The following ARHGAP12 variants were observed in gnomAD, a reference collection of about 807,000 sequenced individuals.
The protein encoded by ARHGAP12 is Rho GTPase activating protein 12, also known as rho GTPase-activating protein 12.
In ARHGAP12, 64 loss-of-function variants were observed where a neutral mutation model predicts 108.6. The observed-to-expected ratio is 0.59, with a 90% CI of 0.48 to 0.73. The LOEUF (loss-of-function observed/expected upper bound fraction) is 0.73. Ranked by LOEUF, ARHGAP12 falls within the 30% of genes least tolerant of loss-of-function variation. The pLI, the probability that ARHGAP12 is intolerant of heterozygous loss-of-function variation, is 0.00. For synonymous variants in ARHGAP12, 312 were observed against 337.2 expected, an observed-to-expected ratio of 0.93 and a Z score of 0.82; for missense variants, 940 against 1,005.9, an observed-to-expected ratio of 0.93 and a Z score of 0.89.
At chr10:31,844,261 G>A (rs1418328418) in intron 6 of ARHGAP12, among the ~76,000 whole-genome samples, 1 of 152,092 alleles carries the variant, frequency 6.6e-6, no homozygotes, top group African/African-American at 2.4e-5. Context: ...GTAGGCTTCT[G>A]AGTCTTGTTC....
intron 4 of ARHGAP12, among the ~76,000 whole-genome samples, chr10:31,860,965 G>A (rs906737466): frequency 2.0e-5 from 3 of 152,152 alleles, no homozygotes; most frequent in Non-Finnish European, 2.9e-5. Context: ...TAAGGTGGGA[G>A]GATCGCTTAA....
intron 14 of ARHGAP12, among the ~76,000 whole-genome samples, chr10:31,813,363 A>C (rs1006930287): frequency 1.3e-5 from 2 of 152,164 alleles, no homozygotes; most frequent in Non-Finnish European, 2.9e-5. Flanking sequence ...CTAAGCTACA[A>C]ATGGGACTAC....
intron 13 of ARHGAP12, among the ~76,000 whole-genome samples, chr10:31,814,713 A>T (rs1414106954): frequency 1.3e-5 from 2 of 152,186 alleles, no homozygotes; most frequent in African/African-American, 4.8e-5. Context: ...ATAGAGCTAC[A>T]TTCTCTGACA....
chr10:31,878,115 T>A (rs1326616065), intron 3 of ARHGAP12, among the ~76,000 whole-genome samples: 1 of 152,246 alleles, frequency 6.6e-6, no homozygotes, highest in South Asian at 2.1e-4. Context: ...ATGATTAAGC[T>A]GCACAAAATG....
In ARHGAP12 at chr10:31,830,926, C is replaced by T. The variant is rs149067085; in HGVS notation, c.1448+813G>A. Among the ~76,000 whole-genome samples the T allele has an allele frequency of 8.6e-4, 131 of 152,316 alleles. 1 individual carries two copies. The highest frequency in any genetic ancestry group is 3.0e-3 in the African/African-American group (125 of 41,570). Reference sequence around the variant, plus strand: ...CTGGCGAAAGGTGTGCAGGAATGCACGGCTCCTGGAGGCAGAAACGGATTC... The same window carrying T: ...CTGGCGAAAGGTGTGCAGGAATGCATGGCTCCTGGAGGCAGAAACGGATTC... On this transcript the variant is annotated intron_variant, in intron 10 of 19. Transcript: ENST00000344936.
intron 6 of ARHGAP12, among the ~76,000 whole-genome samples, chr10:31,850,504 A>T (rs1169875621): frequency 6.6e-6 from 1 of 152,158 alleles, no homozygotes; most frequent in Admixed American, 6.5e-5. Flanking sequence ...TTTCTAAATT[A>T]ATCACTAAAT....
chr10:31,867,478 T>G (rs966833700), intron 3 of ARHGAP12, among the ~76,000 whole-genome samples: 1 of 152,168 alleles, frequency 6.6e-6, no homozygotes, highest in Non-Finnish European at 1.5e-5. Flanking sequence ...ACCAAACTAA[T>G]TTTTACATAT....
chr10:31,813,665 C>T (rs1052771301), intron 14 of ARHGAP12, among the ~76,000 whole-genome samples: 2 of 152,118 alleles, frequency 1.3e-5, no homozygotes, highest in African/African-American at 4.8e-5. Context: ...TTAAAATAGA[C>T]TGAACAAAGT....
chr10:31,911,081 T>C (rs1482048061), intron 1 of ARHGAP12, among the ~76,000 whole-genome samples: 1 of 152,184 alleles, frequency 6.6e-6, no homozygotes, highest in Non-Finnish European at 1.5e-5. Flanking sequence ...TGGAGTACAG[T>C]GGCACGATCT....
rs1554772236 is a variant in ARHGAP12 at position 31,805,679 on chromosome 10, C to CACAT, written c.*1978_*1979insATGT. ...ACACACACACACACACACACACACA[C>CACAT]ACACACGTACCTTGAAACAAGAAAC... On this transcript the variant is annotated 3_prime_UTR_variant, in exon 20 of 20. Coordinates refer to ENST00000344936, the MANE Select transcript of ARHGAP12 (RefSeq NM_018287.7). 5.3e-5 allele frequency: 8 copies of CACAT among 151,928 alleles called. No homozygotes were observed. The highest frequency in any genetic ancestry group is 1.0e-4 in the Non-Finnish European group (7 of 68,040). The allele number at this position is 151,928 out of a possible 1,614,324, so 9.4% of individuals were successfully genotyped here.
At chr10:31,869,715 G>T (rs1023246859) in intron 3 of ARHGAP12, among the ~76,000 whole-genome samples, 2 of 152,124 alleles carry the variant, frequency 1.3e-5, no homozygotes, top group South Asian at 4.1e-4. Flanking sequence ...TCTATAGATA[G>T]ACTAAAATAA....
intron 12 of ARHGAP12, among the ~76,000 whole-genome samples, 177 bp downstream of exon 12, chr10:31,820,210 T>C (rs1835354507): frequency 1.3e-5 from 2 of 152,308 alleles, no homozygotes; most frequent in South Asian, 4.1e-4. Context: ...AAACAACTTA[T>C]GCAAATAAAG....
chr10:31,831,593 A>T (rs1333029447), intron 10 of ARHGAP12, 146 bp downstream of exon 10: 3 of 498,766 alleles, frequency 6.0e-6, no homozygotes, highest in Non-Finnish European at 1.0e-5. Context: ...CATAAATCTC[A>T]TGACAATCTT....
chr10:31,920,105 CAAA>C (rs568653205), intron 1 of ARHGAP12, among the ~76,000 whole-genome samples: 3 of 113,820 alleles, frequency 2.6e-5, no homozygotes, highest in Admixed American at 9.3e-5. Context: ...GACTCTGTCT[CAAA>C]AAAAAAAAAA....
At chr10:31,839,275 C>A (rs1419903784) in intron 9 of ARHGAP12, 30 bp downstream of exon 9, 1 of 1,597,870 alleles carries the variant, frequency 6.3e-7, no homozygotes, top group Non-Finnish European at 8.6e-7. Flanking sequence ...GGTGTCTATG[C>A]CTATTAAGAA....
intron 3 of ARHGAP12, among the ~76,000 whole-genome samples, chr10:31,885,036 T>A (rs1309486357): frequency 6.6e-6 from 1 of 152,128 alleles, no homozygotes; most frequent in Non-Finnish European, 1.5e-5. Flanking sequence ...CAATGTAAAA[T>A]AAGCACATCC....
At chr10:31,816,683 G>A (rs1419417075) in intron 13 of ARHGAP12, among the ~76,000 whole-genome samples, 2 of 152,158 alleles carry the variant, frequency 1.3e-5, no homozygotes, top group East Asian at 3.9e-4. Flanking sequence ...AGCAGTAGGG[G>A]ATTAGAAAAT....
chr10:31,923,531 G>A (rs745988161), intron 1 of ARHGAP12, among the ~76,000 whole-genome samples: 6 of 152,252 alleles, frequency 3.9e-5, no homozygotes, highest in Admixed American at 6.5e-5. Context: ...AGAGAAACTC[G>A]CAAGTCAATC....
chr10:31,808,915 GAT>G, intron 18 of ARHGAP12, 77 bp downstream of exon 18: 1 of 1,430,392 alleles, frequency 7.0e-7, no homozygotes, highest in Non-Finnish European at 9.5e-7. Context: ...CTTAAAGTAA[GAT>G]AAAAAAAATT....
Sources: gnomAD v4.1 joint callset for allele counts (sites outside exome capture counted in the v4.1 genomes callset) on GRCh38, gnomAD v4.1.1 for gene constraint, MANE v1.5 for transcripts, NCBI Gene and HGNC (gene_info 2026-07-23, HGNC 2026-07-21) for gene names.